Variants in EVL observed in about 807,000 individuals in gnomAD.
EVL encodes the protein Enah/Vasp-like, also known as ena/VASP-like protein.
Under a neutral mutation model 59.6 loss-of-function variants are expected in EVL, and 21 were observed. That is an observed-to-expected ratio of 0.35 (90% CI 0.25 to 0.51). EVL has a LOEUF of 0.51. EVL is among the 20% of genes least tolerant of loss of function. EVL has a pLI of 0.97. For synonymous variants in EVL, 198 were observed against 203.5 expected (o/e 0.97, Z 0.23); for missense variants, 462 against 546.6 (o/e 0.85, Z 1.54).
At chr14:100,037,348 A>G (rs2140227622) in intron 1 of EVL, among the ~76,000 whole-genome samples, 2 of 152,340 alleles carry the variant, frequency 1.3e-5, no homozygotes, top group South Asian at 2.1e-4. Flanking sequence ...CTTCCAGGAA[A>G]GCCTTTCTAA....
At chr14:100,078,136 C>T (rs920898868) in intron 1 of EVL, among the ~76,000 whole-genome samples, 8 of 152,168 alleles carry the variant, frequency 5.3e-5, no homozygotes, top group South Asian at 2.1e-4. Flanking sequence ...ACATAGTTCA[C>T]GTTGGTTTTA....
At chr14:99,998,015 T>C (rs1674631751) in intron 1 of EVL, among the ~76,000 whole-genome samples, 1 of 152,148 alleles carries the variant, frequency 6.6e-6, no homozygotes, top group Admixed American at 6.5e-5. Context: ...TATTCATTTA[T>C]TTATTTTATT....
intron 1 of EVL, among the ~76,000 whole-genome samples, chr14:99,994,948 T>C (rs2060903450): frequency 6.6e-6 from 1 of 152,348 alleles, no homozygotes; most frequent in South Asian, 2.1e-4. Context: ...TATTTTTTCC[T>C]TTCAGCACTT....
chr14:100,067,974 G>C (rs923026460), intron 1 of EVL, among the ~76,000 whole-genome samples: 1 of 152,170 alleles, frequency 6.6e-6, no homozygotes, highest in East Asian at 1.9e-4. Flanking sequence ...GCACTGGCAG[G>C]CATCACAGGC....
chr14:100,050,358 TTTA>T (rs2061627140), intron 1 of EVL, among the ~76,000 whole-genome samples: 2 of 37,428 alleles, frequency 5.3e-5, no homozygotes, highest in Admixed American at 6.4e-4. Context: ...TATTTATTTA[TTTA>T]TTTTTTTTTA....
intron 1 of EVL, among the ~76,000 whole-genome samples, chr14:100,047,643 T>G (rs1342840838): frequency 6.6e-6 from 1 of 152,220 alleles, no homozygotes; most frequent in East Asian, 1.9e-4. Flanking sequence ...TATCAAAAAC[T>G]GATCTAAATA....
Position 100,130,072 on chromosome 14 carries a change from T to G in EVL, c.839+388T>G, listed in dbSNP as rs1012224577. Among the ~76,000 whole-genome samples, 4 of 152,132 alleles carry G rather than the reference T, an allele frequency of 2.6e-5. No homozygotes were observed. The highest frequency in any genetic ancestry group is 4.4e-5 in the Non-Finnish European group (3 of 68,020). ...GTCGAGTTTGCAGAGGACACTCTGG[T>G]GAATGTGTGGTGAAGGCACCCCATT... On this transcript the variant is annotated intron_variant, in intron 7 of 13. Transcript: ENST00000392920. This position sits in a 1 kb window ranked among gnomAD's most constrained non-coding sequence, Gnocchi z 4.8.
intron 1 of EVL, among the ~76,000 whole-genome samples, chr14:99,975,851 A>G (rs1049150785): frequency 1.3e-5 from 2 of 151,840 alleles, no homozygotes; most frequent in Admixed American, 6.6e-5. Context: ...TATATCTTCT[A>G]TGTCTCTTAA....
Position 100,085,028 on chromosome 14 carries a change from T to G in EVL, c.180+173T>G, listed in dbSNP as rs2062408021. 5 of 607,904 alleles carry G rather than the reference T, an allele frequency of 8.2e-6. No homozygotes were observed. In the East Asian group the frequency reaches 1.4e-4, roughly 18 times the overall value. The allele number at this position is 607,904 out of a possible 1,614,324, so 37.7% of individuals were successfully genotyped here. ...TCCTCATAGTTCAAAGTATGACACCTTAAGCACACTGTTTCCTGGATTTCA... is the reference window on the plus strand; with the variant it reads ...TCCTCATAGTTCAAAGTATGACACCGTAAGCACACTGTTTCCTGGATTTCA... On this transcript the variant is annotated intron_variant, in intron 2 of 13. Coordinates refer to ENST00000392920, the MANE Select transcript of EVL (RefSeq NM_016337.3).
At chr14:100,082,385 G>A (rs182145967) in intron 1 of EVL, among the ~76,000 whole-genome samples, 3 of 152,156 alleles carry the variant, frequency 2.0e-5, no homozygotes, top group African/African-American at 7.2e-5. Flanking sequence ...ATGGCGAGGG[G>A]ACTGGTAGCT....
intron 1 of EVL, among the ~76,000 whole-genome samples, chr14:100,001,431 G>A (rs539484350): frequency 3.3e-5 from 5 of 152,278 alleles, no homozygotes; most frequent in Admixed American, 1.3e-4. Flanking sequence ...AATAGAATTC[G>A]TCTCTCTCTC....
At chr14:100,068,157 T>C (rs1407341428) in intron 1 of EVL, among the ~76,000 whole-genome samples, 5 of 151,918 alleles carry the variant, frequency 3.3e-5, no homozygotes, top group Admixed American at 3.3e-4. Flanking sequence ...GGCCACGCCT[T>C]AGGGGACATG....
chr14:100,126,643 G>C (rs1888090436), intron 4 of EVL, 64 bp from the exon 5 acceptor site: 1 of 1,580,344 alleles, frequency 6.3e-7, no homozygotes, highest in East Asian at 2.2e-5. Flanking sequence ...GTACAGCACA[G>C]GCACAGAGTG....
At chr14:99,993,057 CTTT>C (rs544024215) in intron 1 of EVL, among the ~76,000 whole-genome samples, 4 of 129,662 alleles carry the variant, frequency 3.1e-5, no homozygotes, top group Non-Finnish European at 3.2e-5. Context: ...GCGTATAATC[CTTT>C]TTTTTTTTTT....
rs1888346808 is a variant in EVL at position 100,130,215 on chromosome 14, G to T, written c.839+531G>T. Among the ~76,000 whole-genome samples, 1 of 152,210 alleles carries T rather than the reference G, an allele frequency of 6.6e-6. No individual in the cohort carries two copies. The highest frequency in any genetic ancestry group is 1.5e-5 in the Non-Finnish European group (1 of 68,034). ...CCATCTACATCCCGGCCGGGCTCTTGGGCCTGAGACCTGGCCATGTGTGTC... is the reference window on the plus strand; with the variant it reads ...CCATCTACATCCCGGCCGGGCTCTTTGGCCTGAGACCTGGCCATGTGTGTC... On this transcript the variant is annotated intron_variant, in intron 7 of 13. Transcript: ENST00000392920. The surrounding 1 kb of genome is among the most constrained non-coding windows in gnomAD (Gnocchi z 4.8).
chr14:100,113,086 G>GGGC (rs1454260694), intron 3 of EVL, among the ~76,000 whole-genome samples: 1 of 152,228 alleles, frequency 6.6e-6, no homozygotes, highest in Non-Finnish European at 1.5e-5. Flanking sequence ...AGAGCCCTGG[G>GGGC]GGCGGGCATG....
rs769943061 is a variant in EVL, at chr14:100,015,909, AAAAAT to A, written c.5+43867_5+43871del. 4.9e-4 allele frequency among the ~76,000 whole-genome samples: 74 copies of A among 152,058 alleles called. 1 individual carries two copies. Among genetic ancestry groups the A allele is most frequent in the African/African-American group, 6.3e-4 (26 of 41,488 alleles). On this transcript the variant is annotated intron_variant, in intron 1 of 13. Coordinates refer to the EVL transcript ENST00000402714. ...AACATGGCAAAACCCTGTCTCTACT[AAAAAT>A]AAAATAAAATAAAAATTAGCCAGGC...
intron 3 of EVL, among the ~76,000 whole-genome samples, chr14:100,118,860 T>C (rs868652583): frequency 1.3e-5 from 2 of 152,224 alleles, no homozygotes; most frequent in Non-Finnish European, 2.9e-5. Context: ...AGTGGGTGTT[T>C]GATGGAACTT....
chr14:100,090,205 C>A (rs2062535696), intron 2 of EVL, among the ~76,000 whole-genome samples: 2 of 151,792 alleles, frequency 1.3e-5, no homozygotes, highest in Admixed American at 6.6e-5. Context: ...AATTAATAAA[C>A]CTTTATTGAG....
Sources: allele counts gnomAD v4.1 joint callset (sites outside exome capture counted in the v4.1 genomes callset), GRCh38; gene constraint gnomAD v4.1.1; non-coding constraint Gnocchi (gnomAD v3.1); transcripts MANE v1.5; gene names NCBI Gene and HGNC (gene_info 2026-07-23, HGNC 2026-07-21).